The following C12orf56 variants were observed in gnomAD, a reference collection of about 807,000 sequenced individuals.
C12orf56 encodes the protein chromosome 12 open reading frame 56.
Under a neutral mutation model 69.9 loss-of-function variants are expected in C12orf56, and 71 were observed. The observed-to-expected ratio is 1.02, with a 90% confidence interval of 0.84 to 1.24. C12orf56 has a LOEUF of 1.24. Ranked by LOEUF, C12orf56 falls within the 50% of genes most tolerant of loss-of-function variation. The probability of loss-of-function intolerance (pLI) is 0.00; values close to 1 mark genes in which losing one functional copy is unlikely to be tolerated. For missense variants in C12orf56, 732 were observed against 738.5 expected, an observed-to-expected ratio of 0.99 and a Z score of 0.10; for synonymous variants, 276 against 274.1, an observed-to-expected ratio of 1.01 and a Z score of -0.07.
chr12:64,335,420 A>C (rs1448418132), intron 2 of C12orf56, among the ~76,000 whole-genome samples: 4 of 33,496 alleles, frequency 1.2e-4, no homozygotes, highest in Non-Finnish European at 2.4e-4. Context: ...TCATCTCCAA[A>C]AAAAAAAAAA....
chr12:64,368,976 A>G (rs184346477), intron 1 of C12orf56, among the ~76,000 whole-genome samples: 30 of 152,252 alleles, frequency 2.0e-4, no homozygotes, highest in Admixed American at 1.8e-3. Context: ...AGGCTGAAAT[A>G]AAAGAACTTA....
chr12:64,328,693 AAAAAAAAAAAAAAATATATAT>A (rs2038878269), intron 3 of C12orf56, among the ~76,000 whole-genome samples: 1 of 21,054 alleles, frequency 4.7e-5, no homozygotes, highest in African/African-American at 1.2e-4. Flanking sequence ...AAAAAAAAAA[AAAAAAAAAAAAAAATATATAT>A]ATATATATAT....
intron 11 of C12orf56, 77 bp from the exon 12 acceptor site, chr12:64,270,791 A>G (rs1372605330): frequency 1.6e-6 from 2 of 1,229,462 alleles, no homozygotes; most frequent in Non-Finnish European, 1.1e-6. Flanking sequence ...AGCTTCAACT[A>G]CAAATCTAGA....
chr12:64,335,224 C>G (rs1411616384), intron 2 of C12orf56, among the ~76,000 whole-genome samples: 1 of 152,058 alleles, frequency 6.6e-6, no homozygotes, highest in Non-Finnish European at 1.5e-5. Flanking sequence ...CGTGACCAGC[C>G]TGGCCAACAT....
intron 1 of C12orf56, among the ~76,000 whole-genome samples, chr12:64,363,001 A>C (rs2135962409): frequency 6.6e-6 from 1 of 152,234 alleles, no homozygotes; most frequent in East Asian, 1.9e-4. Context: ...TCTTTATTGC[A>C]ACCTGTTTTA....
At chr12:64,372,757 C>A (rs2039589854) in intron 1 of C12orf56, among the ~76,000 whole-genome samples, 1 of 152,062 alleles carries the variant, frequency 6.6e-6, no homozygotes, top group African/African-American at 2.4e-5. Flanking sequence ...TCAGGTGATC[C>A]GCCCACCTCA....
intron 1 of C12orf56, among the ~76,000 whole-genome samples, chr12:64,372,090 G>A (rs2039580168): frequency 6.6e-6 from 1 of 151,810 alleles, no homozygotes; most frequent in African/African-American, 2.4e-5. Context: ...CACTTACACA[G>A]TACTTTCTCT....
At chr12:64,301,145 G>C (rs1485975879) in intron 6 of C12orf56, among the ~76,000 whole-genome samples, 3 of 152,160 alleles carry the variant, frequency 2.0e-5, no homozygotes, top group Non-Finnish European at 2.9e-5. Flanking sequence ...TGGCAGGCCA[G>C]GTCTTCATAA....
chr12:64,270,395 C>A, intron 12 of C12orf56, 141 bp downstream of exon 12: 1 of 759,716 alleles, frequency 1.3e-6, no homozygotes, highest in South Asian at 2.2e-5. Context: ...AGCAAGACTC[C>A]ATCTCAAAAA....
intron 2 of C12orf56, among the ~76,000 whole-genome samples, chr12:64,352,093 G>GTTTTTTTTTTTTTTTT (rs1212922484): frequency 8.9e-6 from 1 of 112,978 alleles, no homozygotes; most frequent in African/African-American, 3.2e-5. Context: ...TTTTGTTTTT[G>GTTTTTTTTTTTTTTTT]TTTTTGTTTT....
intron 6 of C12orf56, among the ~76,000 whole-genome samples, chr12:64,298,778 C>A (rs1295597484): frequency 6.6e-6 from 1 of 152,174 alleles, no homozygotes; most frequent in Non-Finnish European, 1.5e-5. Flanking sequence ...CTTTTGGTTA[C>A]TGTAGCCTTG....
At chr12:64,289,366 G>T (rs202236565) in intron 6 of C12orf56, among the ~76,000 whole-genome samples, 141 of 100,812 alleles carry the variant, frequency 1.4e-3, no homozygotes, top group Middle Eastern at 4.3e-3. Flanking sequence ...AATTGCCCTG[G>T]CCAGAACTTC....
At chr12:64,275,037 T>C in intron 10 of C12orf56, 62 bp from the exon 11 acceptor site, 1 of 1,383,236 alleles carries the variant, frequency 7.2e-7, no homozygotes, top group African/African-American at 1.4e-5. Flanking sequence ...TATAAAAGGA[T>C]ACTCATTCTT....
chr12:64,341,052 G>T (rs2039067831), intron 2 of C12orf56, among the ~76,000 whole-genome samples: 1 of 152,042 alleles, frequency 6.6e-6, no homozygotes, highest in Admixed American at 6.6e-5. Context: ...TGATAGTCTG[G>T]GTCAGTCACC....
chr12:64,306,284 G>T (rs2038510697), intron 5 of C12orf56, among the ~76,000 whole-genome samples: 1 of 151,872 alleles, frequency 6.6e-6, no homozygotes, highest in Non-Finnish European at 1.5e-5. Context: ...GAAGAAATAA[G>T]AAAAAGCCAA....
At chr12:64,380,678 T>A (rs192618302) in intron 1 of C12orf56, among the ~76,000 whole-genome samples, 87 of 152,330 alleles carry the variant, frequency 5.7e-4, no homozygotes, top group African/African-American at 1.9e-3. Context: ...GTGGAAGTGA[T>A]GCTGAGTTTG....
intron 3 of C12orf56, among the ~76,000 whole-genome samples, chr12:64,327,767 C>T (rs2038862822): frequency 6.6e-6 from 1 of 152,206 alleles, no homozygotes; most frequent in African/African-American, 2.4e-5. Flanking sequence ...ACACATTAGA[C>T]AATTCTGTCT....
At chr12:64,276,993 T>TAAAAAAAAAAAAAAAAAAA (rs200351319) in intron 9 of C12orf56, among the ~76,000 whole-genome samples, 17 of 69,214 alleles carry the variant, frequency 2.5e-4, no homozygotes, top group African/African-American at 9.2e-4. Flanking sequence ...AACCCTTTCT[T>TAAAAAAAAAAAAAAAAAAA]AAAAAAAAAA....
intron 2 of C12orf56, among the ~76,000 whole-genome samples, chr12:64,343,188 C>G (rs2039097172): frequency 6.6e-6 from 1 of 152,154 alleles, no homozygotes; most frequent in South Asian, 2.1e-4. Context: ...AGGCCCCACA[C>G]CACTGGACCC....
Sources: gnomAD v4.1 joint callset for allele counts (sites outside exome capture counted in the v4.1 genomes callset) on GRCh38, gnomAD v4.1.1 for gene constraint, MANE v1.5 for transcripts, NCBI Gene and HGNC (gene_info 2026-07-23, HGNC 2026-07-21) for gene names.